The following LYPD6B variants were observed in gnomAD, a reference collection of about 807,000 sequenced individuals.
LYPD6B encodes LY6/PLAUR domain containing 6B.
In LYPD6B, 17 loss-of-function variants were observed where a neutral mutation model predicts 22.8. The observed-to-expected ratio is 0.75, with a 90% confidence interval of 0.51 to 1.12. LYPD6B has a LOEUF of 1.12. Among genes scored for constraint, LYPD6B ranks in the 50% most tolerant of loss-of-function variants. LYPD6B has a pLI of 0.00. For synonymous variants in LYPD6B, 106 were observed against 91.6 expected, an observed-to-expected ratio of 1.16 and a Z score of -0.90; for missense variants, 221 against 258.3, an observed-to-expected ratio of 0.86 and a Z score of 0.99.
intron 3 of LYPD6B, among the ~76,000 whole-genome samples, chr2:149,204,066 C>A (rs1693346054): frequency 6.6e-6 from 1 of 152,152 alleles, no homozygotes; most frequent in Non-Finnish European, 1.5e-5. Flanking sequence ...AGGAGTTCAG[C>A]CAATATTATT....
At chr2:149,181,804 C>T (rs1691742764) in intron 3 of LYPD6B, among the ~76,000 whole-genome samples, 1 of 152,192 alleles carries the variant, frequency 6.6e-6, no homozygotes, top group South Asian at 2.1e-4. Flanking sequence ...GCCCCTGCCA[C>T]TATTTGCCTT....
intron 3 of LYPD6B, chr2:149,187,561 A>C (rs1285347705): frequency 7.0e-7 from 1 of 1,434,000 alleles, no homozygotes; most frequent in Non-Finnish European, 9.1e-7. Flanking sequence ...TCAATGAACA[A>C]CATGAAGCCT....
chr2:149,153,370 G>T (rs184084517), intron 2 of LYPD6B, among the ~76,000 whole-genome samples: 1 of 152,160 alleles, frequency 6.6e-6, no homozygotes, highest in Non-Finnish European at 1.5e-5. Context: ...AATAGATTGG[G>T]TTTTATTTGG....
chr2:149,213,884 A>G (rs1694032024), intron 6 of LYPD6B, among the ~76,000 whole-genome samples: 1 of 152,150 alleles, frequency 6.6e-6, no homozygotes, highest in Non-Finnish European at 1.5e-5. Context: ...AGGGTTGAGA[A>G]CCACTGATAT....
chr2:149,164,870 C>T (rs1056629314), intron 3 of LYPD6B, among the ~76,000 whole-genome samples: 2 of 152,176 alleles, frequency 1.3e-5, no homozygotes, highest in Non-Finnish European at 2.9e-5. Flanking sequence ...TCATTTGTAT[C>T]AGTGAGGGCT....
chr2:149,134,300 T>C (rs1451107331), intron 2 of LYPD6B, among the ~76,000 whole-genome samples: 2 of 152,196 alleles, frequency 1.3e-5, no homozygotes, highest in African/African-American at 4.8e-5. Context: ...CATAGTTTTA[T>C]GAGGTGGCTG....
intron 1 of LYPD6B, among the ~76,000 whole-genome samples, chr2:149,042,685 G>A (rs1336041255): frequency 6.6e-6 from 1 of 152,160 alleles, no homozygotes; most frequent in Non-Finnish European, 1.5e-5. Context: ...ATTTATTTAT[G>A]TTTTGTCTAA....
intron 3 of LYPD6B, chr2:149,187,590 C>T (rs766469141): frequency 1.7e-5 from 23 of 1,339,046 alleles, no homozygotes; most frequent in African/African-American, 1.7e-4. Flanking sequence ...GTAGGTGCCC[C>T]GTAAATATTG....
Position 149,160,364 on chromosome 2 carries a change from G to C in LYPD6B, c.6-400G>C. ...TTAAATGGCACAGAGTCTTCATTGT[G>C]GATGTGTTGAATGTGTGAATGCTAC... On this transcript the variant is annotated intron_variant, in intron 2 of 6. Coordinates refer to ENST00000409642, the MANE Select transcript of LYPD6B (RefSeq NM_177964.5). The C allele has an allele frequency of 6.6e-6, 3 of 452,690 alleles. No homozygotes were observed. The East Asian group carries it at 2.1e-4, about 31-fold the overall frequency. 28.0% of individuals were successfully genotyped at this position (452,690 alleles called of 1,614,324 possible). A position where few individuals can be genotyped will look rare whatever the true frequency, so the allele number is the denominator to read the frequency against.
Position 149,152,041 on chromosome 2 carries a change from A to G in LYPD6B, c.6-8723A>G, listed in dbSNP as rs76628224. On this transcript the variant is annotated intron_variant, in intron 2 of 6. Coordinates refer to ENST00000409642, the MANE Select transcript of LYPD6B (RefSeq NM_177964.5). ...CTCATCAAAATATTGTTTTTCCTCAAGATCTATTTTAAGTTCTACCTCCTT... is the reference window on the plus strand; with the variant it reads ...CTCATCAAAATATTGTTTTTCCTCAGGATCTATTTTAAGTTCTACCTCCTT... 7.0e-4 allele frequency among the ~76,000 whole-genome samples: 106 copies of G among 152,174 alleles called. 1 individual carries two copies. In the East Asian group the frequency reaches 0.019, roughly 27 times the overall value.
chr2:149,146,358 G>A (rs908700956), intron 2 of LYPD6B, among the ~76,000 whole-genome samples: 2 of 152,070 alleles, frequency 1.3e-5, no homozygotes, highest in Non-Finnish European at 2.9e-5. Flanking sequence ...TGAAAGGGAG[G>A]AAGGGGCACT....
At chr2:149,067,397 ATAAAT>A (rs1233062971) in intron 1 of LYPD6B, among the ~76,000 whole-genome samples, 3 of 152,152 alleles carry the variant, frequency 2.0e-5, no homozygotes, top group Non-Finnish European at 2.9e-5. Context: ...GTTTTCCATT[ATAAAT>A]TAATTTTCCA....
At chr2:149,122,356 G>C (rs1057407555) in intron 1 of LYPD6B, among the ~76,000 whole-genome samples, 7 of 150,926 alleles carry the variant, frequency 4.6e-5, no homozygotes, top group Admixed American at 4.6e-4. Context: ...ACCCCTCCAG[G>C]TTTTGATGGA....
At chr2:149,180,912 G>A (rs902446710) in intron 3 of LYPD6B, among the ~76,000 whole-genome samples, 24 of 152,192 alleles carry the variant, frequency 1.6e-4, no homozygotes, top group Admixed American at 1.6e-3. Context: ...CCTGCTCTGT[G>A]ACCTTGGACC....
At chr2:149,124,781 C>G (rs1397800346) in intron 1 of LYPD6B, among the ~76,000 whole-genome samples, 1 of 152,096 alleles carries the variant, frequency 6.6e-6, no homozygotes, top group Non-Finnish European at 1.5e-5. Flanking sequence ...AAAAAGGAGC[C>G]CGAATTCTAC....
At chr2:149,143,125 G>A (rs973893942) in intron 2 of LYPD6B, among the ~76,000 whole-genome samples, 5 of 151,882 alleles carry the variant, frequency 3.3e-5, no homozygotes, top group Admixed American at 2.6e-4. Context: ...TTTTCCTTTT[G>A]TCCATTATCT....
Position 149,213,194 on chromosome 2 carries a change from G to T in LYPD6B, c.459+72G>T. 4 of 1,572,374 alleles carry T rather than the reference G, an allele frequency of 2.5e-6. No individual in the cohort carries two copies. In the South Asian group the frequency reaches 4.6e-5, roughly 18 times the overall value. ...ATGTAAGTCGTAGATCAAAGGAGAG[G>T]CAGGAAGGATAGTAATATGTGGACC... On this transcript the variant is annotated intron_variant, in intron 6 of 6. Transcript: ENST00000409642.
intron 1 of LYPD6B, among the ~76,000 whole-genome samples, chr2:149,055,422 G>C (rs190297206): frequency 1.3e-5 from 2 of 152,104 alleles, no homozygotes; most frequent in South Asian, 2.1e-4. Context: ...TACCAAAAAG[G>C]CCAGCTGGAA....
chr2:149,126,588 G>A lies in LYPD6B; in HGVS notation c.-66-4295G>A, dbSNP rs1687709201. On this transcript the variant is annotated intron_variant, in intron 1 of 6. Coordinates refer to ENST00000409642, the MANE Select transcript of LYPD6B (RefSeq NM_177964.5). ...GTCAGCTGAGGAGGAAAAGAAAGAG[G>A]AGGGGTGGGTCTTGCATCTCAAGGG... Among the ~76,000 whole-genome samples the A allele has an allele frequency of 2.6e-5, 4 of 152,180 alleles. No individual in the cohort carries two copies. The South Asian group carries it at 8.3e-4, about 32-fold the overall frequency.
Sources: gnomAD v4.1 joint callset for allele counts (sites outside exome capture counted in the v4.1 genomes callset) on GRCh38, gnomAD v4.1.1 for gene constraint, MANE v1.5 for transcripts, NCBI Gene and HGNC (gene_info 2026-07-23, HGNC 2026-07-21) for gene names.